CABIN1: variants seen among roughly 807,000 people sequenced by gnomAD.
CABIN1 encodes calcineurin binding protein 1, also known as calcineurin-binding protein cabin-1.
Under a neutral mutation model 227.7 loss-of-function variants are expected in CABIN1, and 133 were observed. The ratio of observed to expected loss-of-function variants is 0.58; its 90% CI spans 0.51 to 0.67. The LOEUF (loss-of-function observed/expected upper bound fraction) is 0.67. Among genes scored for constraint, CABIN1 ranks in the 30% least tolerant of loss-of-function variants. The pLI, the probability that CABIN1 is intolerant of heterozygous loss-of-function variation, is 0.00. For missense variants in CABIN1, 2,408 were observed against 2,852.5 expected (o/e 0.84, Z 3.55); for synonymous variants, 1,086 against 1,155.1 (o/e 0.94, Z 1.21).
At position 24,035,533 on chromosome 22, in the gene CABIN1, G is replaced by A. The variant is rs890604159; in HGVS notation, c.3+13G>A. Reference sequence around the variant, plus strand: ...CTCTCTGAATATGGTAAGGACTGATGCCTGCCTATTTTGCGGACCTCAGTG... The same window carrying A: ...CTCTCTGAATATGGTAAGGACTGATACCTGCCTATTTTGCGGACCTCAGTG... On this transcript the variant is annotated intron_variant, in intron 2 of 36. Transcript: ENST00000263119. 1.2e-6 allele frequency: 2 copies of A among 1,614,034 alleles called. No individual in the cohort carries two copies. Among genetic ancestry groups the A allele is most frequent in the East Asian group, 2.2e-5 (1 of 44,892 alleles).
chr22:24,061,824 G>A (rs978546000), intron 12 of CABIN1, 123 bp from the exon 13 acceptor site: 4 of 741,152 alleles, frequency 5.4e-6, no homozygotes, highest in Non-Finnish European at 9.5e-6. Flanking sequence ...AATGGCAAGT[G>A]GATAGAAAGA....
chr22:24,156,126 C>CGGGGCT (rs899112706), intron 29 of CABIN1: 3 of 401,100 alleles, frequency 7.5e-6, no homozygotes, highest in Admixed American at 4.4e-5. Context: ...GGACTGGGGC[C>CGGGGCT]GGGGCTGGGG....
intron 29 of CABIN1, among the ~76,000 whole-genome samples, chr22:24,136,158 C>T (rs995766179): frequency 5.9e-5 from 9 of 152,194 alleles, no homozygotes; most frequent in Admixed American, 5.9e-4. Flanking sequence ...TGCCCATTTA[C>T]AAGCTAGTGC....
intron 14 of CABIN1, 22 bp from the exon 15 acceptor site, chr22:24,064,012 TG>T: frequency 6.2e-7 from 1 of 1,613,984 alleles, no homozygotes; most frequent in East Asian, 2.2e-5. Flanking sequence ...TTTGGTTCCC[TG>T]ACCTGTTTTC....
At chr22:24,111,834 T>G (rs2042824991) in intron 26 of CABIN1, among the ~76,000 whole-genome samples, 3 of 152,374 alleles carry the variant, frequency 2.0e-5, no homozygotes, top group African/African-American at 7.2e-5. Context: ...TTTTCAAGTT[T>G]TGATTTCCTT....
In CABIN1 at chr22:24,093,118, T is replaced by C. The variant is rs372898329; in HGVS notation, c.3786+1275T>C. ...CAAGGACTAGAGTCCAAAGGTGGAA[T>C]TGCCAGGTTGTTTAGCATTCTGATC... is the stretch of plus-strand genomic sequence containing the variant. On this transcript the variant is annotated intron_variant, in intron 24 of 36. Coordinates refer to ENST00000263119, the MANE Select transcript of CABIN1 (RefSeq NM_012295.4). 5.9e-5 allele frequency among the ~76,000 whole-genome samples: 9 copies of C among 152,354 alleles called. No individual in the cohort carries two copies. The East Asian group carries it at 1.7e-3, about 29-fold the overall frequency.
chr22:24,025,154 T>C (rs1259247755), intron 1 of CABIN1, among the ~76,000 whole-genome samples: 1 of 152,186 alleles, frequency 6.6e-6, no homozygotes, highest in East Asian at 1.9e-4. Context: ...GTATGGATAA[T>C]GTTGGAAGTC....
At chr22:24,129,895 G>C (rs1407016963) in intron 28 of CABIN1, among the ~76,000 whole-genome samples, 2 of 152,342 alleles carry the variant, frequency 1.3e-5, no homozygotes, top group East Asian at 3.9e-4. Context: ...TAGGCAGGTA[G>C]ACTGAGGCAT....
At chr22:24,059,520 G>T (rs1159027905) in intron 11 of CABIN1, among the ~76,000 whole-genome samples, 157 bp downstream of exon 11, 1 of 152,218 alleles carries the variant, frequency 6.6e-6, no homozygotes, top group African/African-American at 2.4e-5. Context: ...CCTGTGGTCA[G>T]CTTGGAGGTC....
intron 15 of CABIN1, among the ~76,000 whole-genome samples, chr22:24,064,673 G>C (rs997659266): frequency 2.6e-5 from 4 of 151,898 alleles, no homozygotes; most frequent in East Asian, 1.9e-4. Context: ...GCCTTCCGCA[G>C]TGTTTGTGTC....
intron 26 of CABIN1, among the ~76,000 whole-genome samples, chr22:24,113,357 G>T (rs2042908288): frequency 1.3e-5 from 2 of 152,224 alleles, no homozygotes; most frequent in African/African-American, 4.8e-5. Context: ...ACCCCAGGAG[G>T]GTTGACCATG....
Position 24,097,970 on chromosome 22 carries a change from G to A in CABIN1, c.3939-44G>A, listed in dbSNP as rs780842010. The A allele has an allele frequency of 9.9e-6, 16 of 1,613,020 alleles. No homozygotes were observed. The South Asian group carries it at 1.4e-4, about 14-fold the overall frequency. On this transcript the variant is annotated intron_variant, in intron 25 of 36. Transcript: ENST00000263119. ...TACCAGTACACATCTGTTTCAATGT[G>A]AGGTGGAGACTCTGACCTGTGCCCC... is the stretch of plus-strand genomic sequence containing the variant.
In CABIN1 at chr22:24,122,585, G is replaced by C. The variant is rs201684125; in HGVS notation, c.4632+2887G>C. Among the ~76,000 whole-genome samples, 80 of 152,216 alleles carry C rather than the reference G, an allele frequency of 5.3e-4. 2 individuals are homozygous for C. The East Asian group carries it at 9.4e-3, about 18-fold the overall frequency. On this transcript the variant is annotated intron_variant, in intron 28 of 36. Transcript: ENST00000263119. ...TATCCAGGCGTGATGGTGCACACCT[G>C]TAATCCCAGTTAATCAGGAGGTTGA...
At chr22:24,093,325 T>TG (rs1375677242) in intron 24 of CABIN1, among the ~76,000 whole-genome samples, 4 of 151,370 alleles carry the variant, frequency 2.6e-5, no homozygotes, top group South Asian at 2.1e-4. Flanking sequence ...CCGAGGTGGG[T>TG]GGATCACCTG....
In CABIN1 at chr22:24,061,972, G is replaced by A. The variant is rs764447440; in HGVS notation, c.1643G>A (p.Cys548Tyr). 6.2e-7 allele frequency: 1 copy of A among 1,613,958 alleles called. No homozygotes were observed. The highest frequency in any genetic ancestry group is 1.1e-5 in the South Asian group (1 of 91,078). The stretch of plus-strand genomic sequence containing the variant: ...GACATGATGCTGATGTCTCTCTCCT[G>A]CATGGAACTCCAGCTGGACCAGTGG... The part of the protein sequence containing the change: ...IKDMMLMSLS[C>Y]MELQLDQWLL... The change falls in exon 13 of 37, where the codon TGC becomes TAC. Residue 548 changes from cysteine to tyrosine, a missense_variant. Around this residue, in one of 3 missense-constraint regions of CABIN1, gnomAD observed 1,045 missense variants for 1,168.4 expected, o/e 0.89. Coordinates refer to ENST00000263119, the MANE Select transcript of CABIN1 (RefSeq NM_012295.4).
rs1337244007 is a variant in CABIN1 at position 24,042,794 on chromosome 22, G to A, written c.346-110G>A. 8.6e-6 allele frequency: 9 copies of A among 1,043,508 alleles called. No homozygotes were observed. The East Asian group carries it at 2.3e-4, about 27-fold the overall frequency. 64.6% of individuals were successfully genotyped at this position (1,043,508 alleles called of 1,614,324 possible). On this transcript the variant is annotated intron_variant, in intron 5 of 36. Transcript: ENST00000263119. ...GTGCCGTGCTCCTCCCGTCCCCGGG[G>A]TGCATATTCAAGGAGAGATCTGACT...
chr22:24,029,925 C>T (rs1439744225), intron 1 of CABIN1, among the ~76,000 whole-genome samples: 1 of 152,174 alleles, frequency 6.6e-6, no homozygotes, highest in Non-Finnish European at 1.5e-5. Flanking sequence ...GTTCTGCTGC[C>T]CACCAGCTGG....
At chr22:24,015,925 TCCAG>T (rs2035246863) in intron 1 of CABIN1, among the ~76,000 whole-genome samples, 1 of 152,110 alleles carries the variant, frequency 6.6e-6, no homozygotes, top group African/African-American at 2.4e-5. Context: ...GCCACTGCAC[TCCAG>T]CCAGGGCGAC....
intron 19 of CABIN1, among the ~76,000 whole-genome samples, chr22:24,082,889 A>G (rs868451114): frequency 6.6e-6 from 1 of 152,236 alleles, no homozygotes; most frequent in Non-Finnish European, 1.5e-5. Context: ...CGTTGAGGAA[A>G]TCAATGACTA....
Sources: allele counts gnomAD v4.1 joint callset (sites outside exome capture counted in the v4.1 genomes callset), GRCh38; gene constraint gnomAD v4.1.1; regional missense constraint gnomAD v4.1.1; transcripts MANE v1.5; gene names NCBI Gene and HGNC (gene_info 2026-07-23, HGNC 2026-07-21).